TRIM61: variants seen among roughly 807,000 people sequenced by gnomAD.
TRIM61 encodes tripartite motif containing 61.
A neutral mutation model predicts 14.2 loss-of-function variants in TRIM61; 1 was observed. The ratio of observed to expected loss-of-function variants is 0.07; its 90% CI spans 0.03 to 0.33. The LOEUF is 0.33. Among genes scored for constraint, TRIM61 ranks in the 10% least tolerant of loss-of-function variants. The pLI, the probability that TRIM61 is intolerant of heterozygous loss-of-function variation, is 0.99. For synonymous variants in TRIM61, 8 were observed against 71.6 expected (o/e 0.11, Z 4.49); for missense variants, 19 against 202.2 (o/e 0.09, Z 5.49).
At chr4:164,975,858 G>C (rs1316408662) in intron 2 of TRIM61, among the ~76,000 whole-genome samples, 2 of 152,214 alleles carry the variant, frequency 1.3e-5, no homozygotes, top group East Asian at 3.8e-4. Context: ...TTGCAGTTGA[G>C]ATGGAGGAAG....
chr4:164,968,037 A>G (rs1477277850), intron 3 of TRIM61: 13 of 370,926 alleles, frequency 3.5e-5, no homozygotes, highest in Non-Finnish European at 4.1e-5. Flanking sequence ...CTGTAATCCC[A>G]GCTACTTGGG....
At chr4:164,957,310 G>GAGGA (rs1732028978) in intron 3 of TRIM61, 1 of 1,614,060 alleles carries the variant, frequency 6.2e-7, no homozygotes, top group Non-Finnish European at 8.5e-7. Flanking sequence ...GGTGCCCAGA[G>GAGGA]AGGAATTTTA....
chr4:164,956,997 C>A, intron 3 of TRIM61: 1 of 1,460,396 alleles, frequency 6.8e-7, no homozygotes, highest in Non-Finnish European at 9.1e-7. Context: ...CGTTGGAGAC[C>A]GGGGCAGCGC....
At chr4:164,969,070 T>C (rs1473479674) in intron 3 of TRIM61, 7 of 1,072,606 alleles carry the variant, frequency 6.5e-6, no homozygotes, top group Non-Finnish European at 7.9e-6. Context: ...TTCTATCTTC[T>C]GAGACTATAA....
At chr4:164,968,010 G>C (rs1188846849) in intron 3 of TRIM61, among the ~76,000 whole-genome samples, 3 of 151,850 alleles carry the variant, frequency 2.0e-5, no homozygotes, top group Non-Finnish European at 4.4e-5. Flanking sequence ...AAATTAGCTG[G>C]GTGTGGTGGT....
At chr4:164,970,832 G>C (rs1194707995) in intron 2 of TRIM61, among the ~76,000 whole-genome samples, 1 of 152,200 alleles carries the variant, frequency 6.6e-6, no homozygotes, top group Non-Finnish European at 1.5e-5. Flanking sequence ...GGGTGTGGTG[G>C]CTCACACCTA....
intron 3 of TRIM61, chr4:164,957,622 C>T: frequency 9.7e-7 from 1 of 1,035,458 alleles, no homozygotes; most frequent in Non-Finnish European, 1.4e-6. Context: ...TGAATGCTAC[C>T]GAAGATAGTC....
At chr4:164,976,073 A>G (rs936212209) in intron 2 of TRIM61, among the ~76,000 whole-genome samples, 2 of 152,200 alleles carry the variant, frequency 1.3e-5, no homozygotes, top group Non-Finnish European at 2.9e-5. Flanking sequence ...ACGTCCAGTC[A>G]TAGTACTTTC....
At chr4:164,961,675 AAC>A (rs1205924033) in intron 3 of TRIM61, among the ~76,000 whole-genome samples, 1 of 152,162 alleles carries the variant, frequency 6.6e-6, no homozygotes, top group Admixed American at 6.5e-5. Context: ...AATATCAAAA[AAC>A]ACACACCAAA....
chr4:164,971,775 C>T lies in TRIM61; in HGVS notation c.-337-1436G>A, dbSNP rs187591856. ...TGCTTTCAAGACACCCACAGGTACC[C>T]GATTTTAAGCAAGTCAAATTCCTCC... On this transcript the variant is annotated intron_variant, in intron 2 of 4. Transcript: ENST00000329314. Among the ~76,000 whole-genome samples, 87 of 152,194 alleles carry T rather than the reference C, an allele frequency of 5.7e-4. No individual in the cohort carries two copies. In the South Asian group the frequency reaches 7.7e-3, roughly 13 times the overall value.
intron 3 of TRIM61, among the ~76,000 whole-genome samples, chr4:164,962,290 G>A (rs1424347299): frequency 1.4e-5 from 2 of 146,514 alleles, no homozygotes; most frequent in South Asian, 2.2e-4. Context: ...GTGCGATCTT[G>A]GCTCACTGCA....
rs1204064195 is a variant in TRIM61, at chr4:164,957,057, C to T, written c.526-1961G>A. ...TGCGCGGTGCGGCGGGGCAGCTGTC[C>T]TCTTCTCCCCGGACCCAGCGCCTGG... On this transcript the variant is annotated intron_variant, in intron 3 of 4. Coordinates refer to ENST00000329314, the MANE Select transcript of TRIM61 (RefSeq NM_001012414.3). 7 of 1,518,518 alleles carry T rather than the reference C, an allele frequency of 4.6e-6. No individual in the cohort carries two copies. In the East Asian group the frequency reaches 9.8e-5, roughly 21 times the overall value. The allele number at this position is 1,518,518 out of a possible 1,614,324, so 94.1% of individuals were successfully genotyped here. A position where few individuals can be genotyped will look rare whatever the true frequency, so the allele number is the denominator to read the frequency against.
chr4:164,976,321 C>T (rs1307173928), intron 2 of TRIM61, among the ~76,000 whole-genome samples: 1 of 152,162 alleles, frequency 6.6e-6, no homozygotes, highest in African/African-American at 2.4e-5. Context: ...TTTCTTTTCT[C>T]AGTCTCTCGT....
chr4:164,968,135 G>C, intron 3 of TRIM61, 146 bp downstream of exon 3: 1 of 981,834 alleles, frequency 1.0e-6, no homozygotes, highest in Non-Finnish European at 1.2e-6. Context: ...CCTGGGCAAC[G>C]AAAAAAGGGG....
At chr4:164,962,044 A>C (rs1435811756) in intron 3 of TRIM61, among the ~76,000 whole-genome samples, 1 of 152,002 alleles carries the variant, frequency 6.6e-6, no homozygotes, top group Non-Finnish European at 1.5e-5. Context: ...AGCATAGAAA[A>C]AGTTCCGTAA....
intron 2 of TRIM61, among the ~76,000 whole-genome samples, chr4:164,972,118 TC>T (rs1304403104): frequency 6.6e-6 from 1 of 152,226 alleles, no homozygotes; most frequent in Non-Finnish European, 1.5e-5. Context: ...GCAAAAGCTA[TC>T]ACAGCAACAT....
At chr4:164,966,081 T>A (rs959758029) in intron 3 of TRIM61, among the ~76,000 whole-genome samples, 1 of 152,214 alleles carries the variant, frequency 6.6e-6, no homozygotes, top group Non-Finnish European at 1.5e-5. Flanking sequence ...GTGTTGCAGA[T>A]GAGAAGGCTC....
At chr4:164,956,925 G>C (rs531183881) in intron 3 of TRIM61, 1 of 1,211,152 alleles carries the variant, frequency 8.3e-7, no homozygotes, top group Non-Finnish European at 1.1e-6. Context: ...GCAGTGATTG[G>C]GTGCGGCCGG....
rs1732511436 is a variant in TRIM61, at chr4:164,977,649, C to T, written c.-594G>A. On this transcript the variant is annotated 5_prime_UTR_variant, in exon 1 of 5. Transcript: ENST00000329314. ...GGCTGCTTCCTGCCTGGGGCTCAGC[C>T]TGCGCGGTGGTTGGCAGTTGCCCCG... is the stretch of plus-strand genomic sequence containing the variant. The T allele has an allele frequency of 6.6e-6, 1 of 152,302 alleles. No homozygotes were observed. Among genetic ancestry groups the T allele is most frequent in the South Asian group, 2.1e-4 (1 of 4,832 alleles). The allele number at this position is 152,302 out of a possible 1,614,324, so 9.4% of individuals were successfully genotyped here. A position where few individuals can be genotyped will look rare whatever the true frequency, so the allele number is the denominator to read the frequency against.
Sources: allele counts gnomAD v4.1 joint callset (sites outside exome capture counted in the v4.1 genomes callset), GRCh38; gene constraint gnomAD v4.1.1; transcripts MANE v1.5; gene names NCBI Gene and HGNC (gene_info 2026-07-23, HGNC 2026-07-21).